Variants in SULT1A1 observed in about 807,000 individuals in gnomAD.
The protein encoded by SULT1A1 is sulfotransferase 1A1.
SULT1A1 carries 35 observed loss-of-function variants against 36.8 expected under a neutral mutation model. That is an observed-to-expected ratio of 0.95 (90% CI 0.73 to 1.26). SULT1A1 has a LOEUF of 1.26. Among genes scored for constraint, SULT1A1 ranks in the 50% most tolerant of loss-of-function variants. The pLI, the probability that SULT1A1 is intolerant of heterozygous loss-of-function variation, is 0.00. For synonymous variants in SULT1A1, 119 were observed against 146.0 expected, an observed-to-expected ratio of 0.82 and a Z score of 1.33; for missense variants, 309 against 383.0, an observed-to-expected ratio of 0.81 and a Z score of 1.61.
Position 28,606,866 on chromosome 16 carries a change from A to G in SULT1A1, c.500-11T>C, listed in dbSNP as rs764616712. The G allele has an allele frequency of 1.3e-5, 21 of 1,612,494 alleles. 1 individual carries two copies. The highest frequency in any genetic ancestry group is 1.7e-4 in the Middle Eastern group (1 of 6,052). On this transcript the variant is annotated splice_polypyrimidine_tract_variant and intron_variant, in intron 5 of 7. Coordinates refer to ENST00000314752, the MANE Select transcript of SULT1A1 (RefSeq NM_001055.4). Reference sequence around the variant, plus strand: ...AGGATCCGTAGGACACTGGAGAAGCAGGCAAGGGGTGCCAACACAGGGTTG... The same window carrying G: ...AGGATCCGTAGGACACTGGAGAAGCGGGCAAGGGGTGCCAACACAGGGTTG...
At chr16:28,619,201 CAG>C (rs2047603560) in intron 2 of SULT1A1, among the ~76,000 whole-genome samples, 1 of 151,980 alleles carries the variant, frequency 6.6e-6, no homozygotes, top group Admixed American at 6.6e-5. Flanking sequence ...TTAGTAGAGA[CAG>C]GGTTTCACCA....
At chr16:28,611,401 G>A (rs186464456), upstream of SULT1A1, 1 of 152,168 alleles carries the variant, frequency 6.6e-6, no homozygotes, top group African/African-American at 2.4e-5. Flanking sequence ...GTTTCACCTA[G>A]GATCTCATTG....
chr16:28,622,103 C>T (rs2047668256), intron 1 of SULT1A1, among the ~76,000 whole-genome samples: 1 of 152,120 alleles, frequency 6.6e-6, no homozygotes, highest in Non-Finnish European at 1.5e-5. Context: ...AACCTATGCG[C>T]TAGCATCATG....
chr16:28,619,640 A>G (rs1411244286), intron 2 of SULT1A1, among the ~76,000 whole-genome samples: 1 of 151,892 alleles, frequency 6.6e-6, no homozygotes, highest in African/African-American at 2.4e-5. Context: ...GGATCGCTTG[A>G]GCTCAGGAGG....
At chr16:28,621,002 C>A (rs1281994702) in intron 1 of SULT1A1, among the ~76,000 whole-genome samples, 2 of 151,728 alleles carry the variant, frequency 1.3e-5, no homozygotes, top group African/African-American at 4.8e-5. Context: ...CCCAGCTTCT[C>A]GAGAAGCTGA....
intron 1 of SULT1A1, among the ~76,000 whole-genome samples, chr16:28,621,621 G>C (rs952448399): frequency 1.3e-5 from 2 of 151,682 alleles, no homozygotes; most frequent in African/African-American, 4.8e-5. Context: ...TTCTTTAACA[G>C]TTGCTAGGAA....
At chr16:28,616,677 C>T (rs1305043163) in intron 2 of SULT1A1, among the ~76,000 whole-genome samples, 1 of 152,090 alleles carries the variant, frequency 6.6e-6, no homozygotes, top group Admixed American at 6.6e-5. Context: ...CTCGCCTCAC[C>T]CTCCCAAAGT....
intron 1 of SULT1A1, chr16:28,609,724 A>G (rs1385561149): frequency 1.8e-6 from 1 of 547,478 alleles, no homozygotes; most frequent in Non-Finnish European, 2.8e-6. Context: ...ACAGCACTCC[A>G]GCCTGGGTGA....
rs751668521 is a variant in SULT1A1, at chr16:28,606,799, G to A, written c.556C>T (p.His186Tyr). ...VQEWWELSRT[H>Y]PVLYLFYEDM... The stretch of plus-strand genomic sequence containing the variant: ...TCATAGAAGAGGTAGAGAACAGGGT[G>A]GGTGCGGCTCAGCTCCCACCACTCC... The change falls in exon 6 of 8, where the codon CAC (histidine) becomes TAC (tyrosine). Residue 186 changes from histidine to tyrosine, a missense_variant. His to Tyr is a moderately conservative substitution (Grantham distance 83). Coordinates refer to ENST00000314752, the MANE Select transcript of SULT1A1 (RefSeq NM_001055.4). 1.7e-5 allele frequency: 27 copies of A among 1,612,382 alleles called. No individual in the cohort carries two copies. In the East Asian group the frequency reaches 5.8e-4, roughly 35 times the overall value.
chr16:28,619,845 A>C (rs1041649742), intron 2 of SULT1A1, among the ~76,000 whole-genome samples: 3 of 151,724 alleles, frequency 2.0e-5, no homozygotes, highest in African/African-American at 7.3e-5. Context: ...AAATACATAC[A>C]TATATGTGTC....
At chr16:28,616,030 C>T (rs1309813942) in intron 2 of SULT1A1, among the ~76,000 whole-genome samples, 10 of 152,106 alleles carry the variant, frequency 6.6e-5, no homozygotes, top group African/African-American at 9.7e-5. Flanking sequence ...GACCACGATC[C>T]GCCTGGTAAC....
chr16:28,609,145 A>G lies in SULT1A1; in HGVS notation c.-4-286T>C, dbSNP rs1412656547. The G allele has an allele frequency of 2.6e-5, 36 of 1,409,898 alleles. No homozygotes were observed. The African/African-American group carries it at 4.9e-4, about 19-fold the overall frequency. The allele number at this position is 1,409,898 out of a possible 1,614,324, so 87.3% of individuals were successfully genotyped here. ...AAAGCACCCTCGTCGGGCAAGGCCC[A>G]GATGTCAGGGTGTGTGAAGGTCTCC... is the stretch of plus-strand genomic sequence containing the variant. On this transcript the variant is annotated intron_variant, in intron 1 of 7. Transcript: ENST00000314752.
chr16:28,608,419 G>T, intron 3 of SULT1A1, 31 bp from the exon 4 acceptor site: 1 of 1,612,472 alleles, frequency 6.2e-7, no homozygotes, highest in Non-Finnish European at 8.5e-7. Flanking sequence ...GGTCTGGTGA[G>T]CTGAAGCCCC....
intron 3 of SULT1A1, 37 bp downstream of exon 3, chr16:28,608,441 C>T (rs1310599688): frequency 6.2e-7 from 1 of 1,612,452 alleles, no homozygotes; most frequent in Non-Finnish European, 8.5e-7. Context: ...GCCCTGTCTT[C>T]CTCCACTCCC....
intron 1 of SULT1A1, among the ~76,000 whole-genome samples, chr16:28,621,345 GGTGGTGTGCATCT>G (rs1007955863): frequency 2.6e-5 from 4 of 151,484 alleles, no homozygotes; most frequent in Non-Finnish European, 4.4e-5. Flanking sequence ...AGCCGGGCAT[GGTGGTGTGCATCT>G]GTAATGCCAG....
intron 2 of SULT1A1, among the ~76,000 whole-genome samples, chr16:28,619,479 G>A (rs573186609): frequency 2.0e-5 from 3 of 152,150 alleles, no homozygotes; most frequent in African/African-American, 7.2e-5. Flanking sequence ...TGTACTTAAT[G>A]TTGAGGTGGG....
intron 2 of SULT1A1, among the ~76,000 whole-genome samples, chr16:28,615,959 TG>T (rs2047536877): frequency 6.6e-6 from 1 of 152,168 alleles, no homozygotes; most frequent in Non-Finnish European, 1.5e-5. Flanking sequence ...GTGTACAGGA[TG>T]AAACATGAAG....
chr16:28,608,231 C>T, intron 4 of SULT1A1, 60 bp downstream of exon 4: 1 of 1,599,310 alleles, frequency 6.3e-7, no homozygotes, highest in Non-Finnish European at 8.6e-7. Context: ...AGGTGATCTG[C>T]CTGCCTCAGC....
Position 28,606,758 on chromosome 16 carries a change from C to A in SULT1A1, c.594+3G>T. Reference sequence around the variant, plus strand: ...TGGAGGGAAGCATCGCACGTGGTCTCACCTCCTTCATGTCTTCATAGAAGA... The same window carrying A: ...TGGAGGGAAGCATCGCACGTGGTCTAACCTCCTTCATGTCTTCATAGAAGA... On this transcript the variant is annotated splice_donor_region_variant and intron_variant, in intron 6 of 7. Coordinates refer to ENST00000314752, the MANE Select transcript of SULT1A1 (RefSeq NM_001055.4). The A allele has an allele frequency of 1.2e-6, 2 of 1,612,138 alleles. No homozygotes were observed. The highest frequency in any genetic ancestry group is 1.7e-6 in the Non-Finnish European group (2 of 1,178,560).
Sources: gnomAD v4.1 joint callset for allele counts (sites outside exome capture counted in the v4.1 genomes callset) on GRCh38, gnomAD v4.1.1 for gene constraint, MANE v1.5 for transcripts, NCBI Gene and HGNC (gene_info 2026-07-23, HGNC 2026-07-21) for gene names.